Variants in KIF3A observed in about 807,000 individuals in gnomAD.
KIF3A encodes the protein kinesin-like protein KIF3A.
A neutral mutation model predicts 92.6 loss-of-function variants in KIF3A; 27 were observed. The ratio of observed to expected loss-of-function variants is 0.29; its 90% CI spans 0.21 to 0.40. The LOEUF (loss-of-function observed/expected upper bound fraction) is 0.40. Ranked by LOEUF, KIF3A falls within the 10% of genes least tolerant of loss-of-function variation. KIF3A has a pLI of 1.00. For synonymous variants in KIF3A, 250 were observed against 275.4 expected (o/e 0.91, Z 0.92); for missense variants, 581 against 872.6 (o/e 0.67, Z 4.21).
intron 8 of KIF3A, among the ~76,000 whole-genome samples, chr5:132,714,104 C>T (rs1014060190): frequency 1.3e-5 from 2 of 151,902 alleles, no homozygotes; most frequent in African/African-American, 4.8e-5. Context: ...ACCGTGTTGG[C>T]CAGGCTGGTC....
At chr5:132,691,487 C>T (rs1174703780), downstream of KIF3A, among the ~76,000 whole-genome samples, 1 of 151,300 alleles carries the variant, frequency 6.6e-6, no homozygotes, top group South Asian at 2.1e-4. Context: ...GCGGAGATTG[C>T]AGTGAGCTGA....
intron 18 of KIF3A, among the ~76,000 whole-genome samples, chr5:132,698,336 A>G (rs1179413435): frequency 1.3e-5 from 2 of 152,164 alleles, no homozygotes; most frequent in Non-Finnish European, 2.9e-5. Flanking sequence ...AAAAAAAATA[A>G]GCTCCAGCCC....
At chr5:132,710,334 C>T (rs948535590) in intron 9 of KIF3A, among the ~76,000 whole-genome samples, 4 of 152,156 alleles carry the variant, frequency 2.6e-5, no homozygotes, top group African/African-American at 9.6e-5. Context: ...ACTTAGGTTC[C>T]AGCCAGGCAT....
chr5:132,718,800 T>C (rs1753728413), intron 5 of KIF3A, among the ~76,000 whole-genome samples: 1 of 152,190 alleles, frequency 6.6e-6, no homozygotes. Flanking sequence ...CTGATTTTTT[T>C]GTATTTTTAG....
Position 132,702,153 on chromosome 5 carries a change from C to T in KIF3A, c.1818G>A (p.Arg606=), listed in dbSNP as rs918931890. 1.5e-5 allele frequency: 24 copies of T among 1,613,584 alleles called. No individual in the cohort carries two copies. In the African/African-American group the frequency reaches 2.3e-4, roughly 15 times the overall value. ...GAAGTCGAAGCTCCCGGCTAAGTTG[C>T]CGAATGTTCTCCAGTAGGCCTTCAA... ...REIEGLLENI[R]QLSRELRLQM... The change falls in exon 15 of 19, where the codon CGG becomes CGA. Residue 606 remains arginine (R), a synonymous_variant. Coordinates refer to ENST00000403231, the MANE Select transcript of KIF3A (RefSeq NM_001300791.2).
Position 132,720,673 on chromosome 5 carries a change from T to C in KIF3A, c.552A>G (p.Leu184=), listed in dbSNP as rs377683106. 5 of 1,612,078 alleles carry C rather than the reference T, an allele frequency of 3.1e-6. No individual in the cohort carries two copies. Among genetic ancestry groups the C allele is most frequent in the Non-Finnish European group, 4.2e-6 (5 of 1,178,798 alleles). ...CAGCATTATTTACCACATAAGCTGATAAATCTTTGATATAAACTCCCACAT... is the reference window on the plus strand; with the variant it reads ...CAGCATTATTTACCACATAAGCTGACAAATCTTTGATATAAACTCCCACAT... ...RPDVGVYIKD[L]SAYVVNNADD... The change falls in exon 5 of 19, where the codon TTA becomes TTG. Residue 184 remains leucine, a synonymous_variant. Transcript: ENST00000403231.
chr5:132,710,548 G>A (rs959945713), intron 9 of KIF3A, among the ~76,000 whole-genome samples: 1 of 152,158 alleles, frequency 6.6e-6, no homozygotes, highest in African/African-American at 2.4e-5. Flanking sequence ...CCTGGGAGGT[G>A]GAGGTTGCAG....
At chr5:132,717,648 AT>A (rs1453091492) in intron 5 of KIF3A, among the ~76,000 whole-genome samples, 2 of 152,132 alleles carry the variant, frequency 1.3e-5, no homozygotes, top group African/African-American at 2.4e-5. Flanking sequence ...AAAAAAAAAA[AT>A]CCATTCAAAA....
In KIF3A at chr5:132,694,911, T is replaced by C. The variant is rs1489762191; in HGVS notation, c.*1723A>G. The stretch of plus-strand genomic sequence containing the variant: ...CACACAGGACATTCAGTATTCCAAT[T>C]ACAGAATGGACTTTAAATTTATGGG... On this transcript the variant is annotated 3_prime_UTR_variant, in exon 19 of 19. Transcript: ENST00000403231. 6.6e-6 allele frequency: 1 copy of C among 152,292 alleles called. No homozygotes were observed. The highest frequency in any genetic ancestry group is 2.4e-5 in the African/African-American group (1 of 41,434). 9.4% of individuals were successfully genotyped at this position (152,292 alleles called of 1,614,324 possible).
rs560046149 is a variant in KIF3A, at chr5:132,715,194, G to A, written c.1129+563C>T. Among the ~76,000 whole-genome samples the A allele has an allele frequency of 5.9e-5, 9 of 152,244 alleles. No homozygotes were observed. In the South Asian group the frequency reaches 1.7e-3, roughly 28 times the overall value. On this transcript the variant is annotated intron_variant, in intron 8 of 18. Coordinates refer to ENST00000403231, the MANE Select transcript of KIF3A (RefSeq NM_001300791.2). ...ACTCAGCACTTAATGACTGGGAAGC[G>A]TCTCACTCTCATAAATAAGATCTTC...
At chr5:132,726,270 A>AAATATGTTTATAAAATTTATACC (rs2149916886) in intron 3 of KIF3A, 58 bp from the exon 4 acceptor site, 1 of 1,574,168 alleles carries the variant, frequency 6.4e-7, no homozygotes, top group Admixed American at 1.7e-5. Context: ...AACGGTTTTA[A>AAATATGTTTATAAAATTTATACC]AATATGTTTA....
chr5:132,736,783 A>G lies in KIF3A; in HGVS notation c.6+631T>C, dbSNP rs781710181. ...ACCACTAAATAAGCGGCCATGGCTC[A>G]ATTTTCCTCCATGACCCCTAATAAG... On this transcript the variant is annotated intron_variant, in intron 1 of 18. Coordinates refer to ENST00000403231, the MANE Select transcript of KIF3A (RefSeq NM_001300791.2). 1.2e-4 allele frequency: 55 copies of G among 467,746 alleles called. No individual in the cohort carries two copies. The Middle Eastern group carries it at 1.3e-3, about 11-fold the overall frequency. The allele number at this position is 467,746 out of a possible 1,614,324, so 29.0% of individuals were successfully genotyped here. A position where few individuals can be genotyped will look rare whatever the true frequency, so the allele number is the denominator to read the frequency against.
intron 4 of KIF3A, among the ~76,000 whole-genome samples, chr5:132,724,858 A>AT (rs1753985432): frequency 1.3e-5 from 1 of 74,224 alleles, no homozygotes; most frequent in Non-Finnish European, 3.1e-5. Flanking sequence ...TATATATATT[A>AT]AAAAATCATT....
rs1752830448 is a variant in KIF3A, at chr5:132,696,239, T to G, written c.*395A>C. The G allele has an allele frequency of 6.4e-6, 1 of 156,394 alleles. No individual in the cohort carries two copies. 9.7% of individuals were successfully genotyped at this position (156,394 alleles called of 1,614,324 possible). Reference sequence around the variant, plus strand: ...GCAACATAGGACAATCTGATCTGCTTCTTTCTATGTGCAAAACAGGACACA... The same window carrying G: ...GCAACATAGGACAATCTGATCTGCTGCTTTCTATGTGCAAAACAGGACACA... On this transcript the variant is annotated 3_prime_UTR_variant, in exon 19 of 19. Transcript: ENST00000403231.
intron 4 of KIF3A, chr5:132,723,406 A>G (rs1376786846): frequency 1.3e-5 from 2 of 152,256 alleles, no homozygotes; most frequent in Admixed American, 6.5e-5. Context: ...ACTATACTAC[A>G]AGGCTACAGT....
At chr5:132,712,817 G>C (rs1173760708) in intron 8 of KIF3A, among the ~76,000 whole-genome samples, 2 of 152,182 alleles carry the variant, frequency 1.3e-5, no homozygotes, top group African/African-American at 2.4e-5. Context: ...GATCAAGAAA[G>C]ACTGGGGAAT....
chr5:132,729,234 TATTC>T (rs1754143100), intron 2 of KIF3A, among the ~76,000 whole-genome samples: 1 of 151,954 alleles, frequency 6.6e-6, no homozygotes, highest in African/African-American at 2.4e-5. Context: ...CTGAAGAACT[TATTC>T]ATGTAACTAA....
At chr5:132,689,699 T>G (rs1752617841), downstream of KIF3A, 1 of 152,176 alleles carries the variant, frequency 6.6e-6, no homozygotes, top group African/African-American at 2.4e-5. Flanking sequence ...CTCAGTGGTA[T>G]CGCTTGATGA....
At chr5:132,710,903 T>A (rs977199359) in intron 9 of KIF3A, 56 bp downstream of exon 9, 1 of 1,612,044 alleles carries the variant, frequency 6.2e-7, no homozygotes, top group African/African-American at 1.3e-5. Context: ...TCATGCACTC[T>A]ACCACCTTGT....
Sources: gnomAD v4.1 joint callset for allele counts (sites outside exome capture counted in the v4.1 genomes callset) on GRCh38, gnomAD v4.1.1 for gene constraint, MANE v1.5 for transcripts, NCBI Gene and HGNC (gene_info 2026-07-23, HGNC 2026-07-21) for gene names.